The following NLRP1 variants were observed in gnomAD, a reference collection of about 807,000 sequenced individuals.
The protein encoded by NLRP1 is NACHT, LRR and PYD domains-containing protein 1.
Under a neutral mutation model 136.7 loss-of-function variants are expected in NLRP1, and 94 were observed. The ratio of observed to expected loss-of-function variants is 0.69; its 90% CI spans 0.58 to 0.82. NLRP1 has a LOEUF of 0.82. Among genes scored for constraint, NLRP1 ranks in the 40% least tolerant of loss-of-function variants. The pLI is 0.00. For synonymous variants in NLRP1, 690 were observed against 725.1 expected (o/e 0.95, Z 0.78); for missense variants, 1,575 against 1,802.7 (o/e 0.87, Z 2.29).
rs765643114 is a variant in NLRP1 at position 5,537,019 on chromosome 17, C to T, written c.2871-79G>A. On this transcript the variant is annotated intron_variant, in intron 7 of 16. Coordinates refer to ENST00000572272, the MANE Select transcript of NLRP1 (RefSeq NM_033004.4). This position sits in a 1 kb window ranked among gnomAD's most constrained non-coding sequence, Gnocchi z 4.5. The stretch of plus-strand genomic sequence containing the variant: ...GTCCCCAGGGCCCAGAATCCTGGGA[C>T]CTGTCACCTTCTGAGGCAGCGGCCG... 2 of 1,015,198 alleles carry T rather than the reference C, an allele frequency of 2.0e-6. No homozygotes were observed. Among genetic ancestry groups the T allele is most frequent in the Non-Finnish European group, 3.1e-6 (2 of 642,168 alleles). The allele number at this position is 1,015,198 out of a possible 1,614,324, so 62.9% of individuals were successfully genotyped here. A position where few individuals can be genotyped will look rare whatever the true frequency, so the allele number is the denominator to read the frequency against.
chr17:5,577,640 C>T (rs1375194787), intron 3 of NLRP1, among the ~76,000 whole-genome samples: 1 of 152,168 alleles, frequency 6.6e-6, no homozygotes, highest in African/African-American at 2.4e-5. Flanking sequence ...ACATTCCATG[C>T]TCATGGATAG....
chr17:5,547,463 G>C (rs1339722249), intron 5 of NLRP1, among the ~76,000 whole-genome samples: 3 of 152,186 alleles, frequency 2.0e-5, no homozygotes, highest in Non-Finnish European at 2.9e-5. Flanking sequence ...TGGCTCCAGG[G>C]AATGTCCTTC....
intron 11 of NLRP1, among the ~76,000 whole-genome samples, chr17:5,531,966 G>A (rs1283111637): frequency 6.6e-6 from 1 of 152,214 alleles, no homozygotes; most frequent in Non-Finnish European, 1.5e-5. Context: ...CAACTGGCCA[G>A]GCGCGGTGGC....
rs1199628047 is a variant in NLRP1 at position 5,571,300 on chromosome 17, AG to A, written c.652+10558del. Among the ~76,000 whole-genome samples the A allele has an allele frequency of 5.9e-5, 9 of 152,284 alleles. No homozygotes were observed. The East Asian group carries it at 1.5e-3, about 26-fold the overall frequency. On this transcript the variant is annotated intron_variant, in intron 3 of 16. Coordinates refer to ENST00000572272, the MANE Select transcript of NLRP1 (RefSeq NM_033004.4). ...AAGAAGTAAAAGACATCCAAATAGG[AG>A]GAGAGGAAGTCAAAGTATCTCTGTT...
At chr17:5,506,720 C>T (rs893680623) in intron 15 of NLRP1, among the ~76,000 whole-genome samples, 1 of 144,210 alleles carries the variant, frequency 6.9e-6, no homozygotes, top group Non-Finnish European at 1.5e-5. Context: ...GGTGAAACCC[C>T]AGCTCTACTA....
Position 5,558,709 on chromosome 17 carries a change from G to A in NLRP1, c.1987C>T (p.His663Tyr). The change falls in exon 4 of 17, where the codon CAT (histidine) becomes TAT (tyrosine). Residue 663 changes from histidine (H) to tyrosine (Y), a missense_variant. By Grantham distance (83) the His-to-Tyr change is moderately conservative. Transcript: ENST00000572272. ...LEKTLEAYGIHGLFGASTTRF... is the reference protein window; with the variant it reads ...LEKTLEAYGIYGLFGASTTRF... ...GTGGTTGATGCCCCAAACAGGCCAT[G>A]TATTCCATATGCTTCTAGCGTCTTT... The A allele has an allele frequency of 1.2e-6, 2 of 1,614,146 alleles. No homozygotes were observed. The highest frequency in any genetic ancestry group is 1.7e-6 in the Non-Finnish European group (2 of 1,180,020).
rs568036160 is a variant in NLRP1, at chr17:5,556,083, A to G, written c.2357+2256T>C. On this transcript the variant is annotated intron_variant, in intron 4 of 16. Transcript: ENST00000572272. ...CATGCCAGCCTGGTGACAGAGCAAGACTCTGTCTGTCTCTGTCTCTGTCTC... is the reference window on the plus strand; with the variant it reads ...CATGCCAGCCTGGTGACAGAGCAAGGCTCTGTCTGTCTCTGTCTCTGTCTC... 2.3e-4 allele frequency among the ~76,000 whole-genome samples: 34 copies of G among 145,582 alleles called. 4 individuals carry two copies. The highest frequency in any genetic ancestry group is 8.5e-4 in the African/African-American group (32 of 37,762).
chr17:5,527,826 C>T (rs996362852), intron 12 of NLRP1, among the ~76,000 whole-genome samples: 3 of 152,208 alleles, frequency 2.0e-5, no homozygotes, highest in African/African-American at 4.8e-5. Context: ...CGGAGGGTCA[C>T]CCAATTCCTT....
In NLRP1 at chr17:5,520,915, C is replaced by G. The variant is rs370329115; in HGVS notation, c.3881G>C (p.Gly1294Ala). ...LYMGCRYTVS[G>A]SGSGMLEILP... ...TATTTCCAGCATCCCTGAACCAGAC[C>G]CAGACACAGTGTAACGACAGCCCAT... The change falls in exon 14 of 17, where the codon GGG becomes GCG. Residue 1294 changes from glycine to alanine, a missense_variant. Gly to Ala is a moderately conservative substitution (Grantham distance 60). Transcript: ENST00000572272. 18 of 1,610,958 alleles carry G rather than the reference C, an allele frequency of 1.1e-5. No individual in the cohort carries two copies. Among genetic ancestry groups the G allele is most frequent in the Non-Finnish European group, 1.5e-5 (18 of 1,178,388 alleles).
At position 5,583,926 on chromosome 17, in the gene NLRP1, C is replaced by T; in HGVS notation, c.32G>A (p.Cys11Tyr). MAGGAWGRLA[C>Y]YLEFLKKEEL... is the part of the protein sequence containing the mutation. ...CTCCTTCTTCAGGAACTCCAAGTAACAGGCCAGGCGGCCCCAGGCTCCGCC... is the reference window on the plus strand; with the variant it reads ...CTCCTTCTTCAGGAACTCCAAGTAATAGGCCAGGCGGCCCCAGGCTCCGCC... Residue 11 changes from cysteine (C) to tyrosine (Y), a missense_variant, in exon 1 of 17, where the codon TGT becomes TAT. Cys to Tyr is a radical substitution (Grantham distance 194). Coordinates refer to ENST00000572272, the MANE Select transcript of NLRP1 (RefSeq NM_033004.4). The surrounding 1 kb of genome is among the most constrained non-coding windows in gnomAD (Gnocchi z 4.5). 6.2e-7 allele frequency: 1 copy of T among 1,609,350 alleles called. No homozygotes were observed. The highest frequency in any genetic ancestry group is 8.5e-7 in the Non-Finnish European group (1 of 1,177,710).
intron 4 of NLRP1, among the ~76,000 whole-genome samples, chr17:5,557,710 T>C (rs1266467379): frequency 6.6e-6 from 1 of 152,194 alleles, no homozygotes; most frequent in Non-Finnish European, 1.5e-5. Context: ...GATGGGGAAG[T>C]TCTCAGTACT....
At position 5,541,995 on chromosome 17, in the gene NLRP1, C is replaced by G; in HGVS notation, c.2561G>C (p.Cys854Ser). ...TCTCAGCCCAAAGGCAAGGTCCTTG[C>G]AGTCCTCAGCTGTGAGGCCACAGCC... ...LAGCGLTAED[C>S]KDLAFGLRAN... The change falls in exon 6 of 17, where the codon TGC becomes TCC. Residue 854 changes from cysteine to serine, a missense_variant. By Grantham distance (112) the Cys-to-Ser change is moderately radical. Coordinates refer to ENST00000572272, the MANE Select transcript of NLRP1 (RefSeq NM_033004.4). The surrounding 1 kb of genome is among the most constrained non-coding windows in gnomAD (Gnocchi z 4.2). 1 of 1,613,892 alleles carries G rather than the reference C, an allele frequency of 6.2e-7. No individual in the cohort carries two copies.
At chr17:5,511,857 C>T (rs11658021), downstream of NLRP1, among the ~76,000 whole-genome samples, 1 of 150,318 alleles carries the variant, frequency 6.7e-6, no homozygotes, top group Admixed American at 6.7e-5. Flanking sequence ...TCTTTCTCTT[C>T]CTTTTTCTTT....
In NLRP1 at chr17:5,558,629, G is replaced by A. The variant is rs1170902140; in HGVS notation, c.2067C>T (p.Ile689=). 6 of 1,614,118 alleles carry A rather than the reference G, an allele frequency of 3.7e-6. No individual in the cohort carries two copies. In the South Asian group the frequency reaches 6.6e-5, roughly 18 times the overall value. ...TCCCCTGAGACAGCCGGCAGTGAAA[G>A]ATGTTCTCCATCTCTCTCTCCCCCT... The part of the protein sequence containing the change: ...SDEGEREMEN[I]FHCRLSQGRN... Residue 689 remains isoleucine (I), a synonymous_variant, in exon 4 of 17, where the codon ATC becomes ATT. Coordinates refer to ENST00000572272, the MANE Select transcript of NLRP1 (RefSeq NM_033004.4).
chr17:5,523,951 T>C lies in NLRP1; in HGVS notation c.3521-2165A>G, dbSNP rs551328061. The stretch of plus-strand genomic sequence containing the variant: ...TTCTTTTTTTATTTTTGACACGGAG[T>C]CTAGCTCTGTCACCGAGGCTGGAGT... On this transcript the variant is annotated intron_variant, in intron 12 of 16. Coordinates refer to ENST00000572272, the MANE Select transcript of NLRP1 (RefSeq NM_033004.4). Among the ~76,000 whole-genome samples the C allele has an allele frequency of 8.5e-5, 13 of 152,178 alleles. No homozygotes were observed. The East Asian group carries it at 2.5e-3, about 29-fold the overall frequency.
intron 14 of NLRP1, among the ~76,000 whole-genome samples, chr17:5,520,136 G>T (rs568034433): frequency 2.6e-5 from 4 of 152,170 alleles, no homozygotes; most frequent in African/African-American, 9.6e-5. Context: ...GATTACAGGC[G>T]TGAGCCACCG....
chr17:5,577,376 C>G (rs1476139983), intron 3 of NLRP1, among the ~76,000 whole-genome samples: 1 of 152,156 alleles, frequency 6.6e-6, no homozygotes, highest in African/African-American at 2.4e-5. Context: ...ATCGTCTCAG[C>G]CCAAAATCTC....
At chr17:5,546,038 C>G (rs1367984296) in intron 5 of NLRP1, among the ~76,000 whole-genome samples, 1 of 152,224 alleles carries the variant, frequency 6.6e-6, no homozygotes, top group Non-Finnish European at 1.5e-5. Context: ...GGTATTGGAC[C>G]TCTGTGAGGA....
rs769386929 is a variant in NLRP1, at chr17:5,541,314, G to T, written c.2699+543C>A. 6.6e-6 allele frequency among the ~76,000 whole-genome samples: 1 copy of T among 152,154 alleles called. No individual in the cohort carries two copies. Among genetic ancestry groups the T allele is most frequent in the Non-Finnish European group, 1.5e-5 (1 of 68,024 alleles). On this transcript the variant is annotated intron_variant, in intron 6 of 16. Transcript: ENST00000572272. The surrounding 1 kb of genome is among the most constrained non-coding windows in gnomAD (Gnocchi z 4.2). Reference sequence around the variant, plus strand: ...GCCTGCCTCGACCTCCCAAAGTGCTGGGATGACAGGCATGAGCCAGGGCGC... The same window carrying T: ...GCCTGCCTCGACCTCCCAAAGTGCTTGGATGACAGGCATGAGCCAGGGCGC...
Sources: gnomAD v4.1 joint callset for allele counts (sites outside exome capture counted in the v4.1 genomes callset) on GRCh38, gnomAD v4.1.1 for gene constraint, Gnocchi (gnomAD v3.1) non-coding constraint, MANE v1.5 for transcripts, NCBI Gene and HGNC (gene_info 2026-07-23, HGNC 2026-07-21) for gene names.